The following AGBL4 variants were observed in gnomAD, a reference collection of about 807,000 sequenced individuals.
AGBL4 encodes AGBL carboxypeptidase 4.
In AGBL4, 58 loss-of-function variants were observed where a neutral mutation model predicts 66.4. That is an observed-to-expected ratio of 0.87 (90% confidence interval 0.71 to 1.09). The LOEUF is 1.09. Among genes scored for constraint, AGBL4 ranks in the 50% least tolerant of loss-of-function variants. The pLI is 0.00. For missense variants in AGBL4, 579 were observed against 631.0 expected (o/e 0.92, Z 0.88); for synonymous variants, 234 against 222.9 (o/e 1.05, Z -0.44).
At chr1:49,557,849 G>A (rs187629365) in intron 3 of AGBL4, among the ~76,000 whole-genome samples, 6 of 151,766 alleles carry the variant, frequency 4.0e-5, no homozygotes, top group Middle Eastern at 3.2e-3. Context: ...CAAGGCTGCC[G>A]AGATTGCAGC....
chr1:49,518,809 AC>A (rs770389956), intron 3 of AGBL4, among the ~76,000 whole-genome samples: 3 of 152,092 alleles, frequency 2.0e-5, no homozygotes, highest in Non-Finnish European at 4.4e-5. Flanking sequence ...CAATTGTATT[AC>A]TTTTTAATAT....
intron 3 of AGBL4, among the ~76,000 whole-genome samples, chr1:49,540,154 G>C (rs988434272): frequency 2.0e-5 from 3 of 152,168 alleles, no homozygotes; most frequent in African/African-American, 7.2e-5. Flanking sequence ...ACTTGTATTA[G>C]TTAGCCCTAC....
intron 4 of AGBL4, among the ~76,000 whole-genome samples, chr1:49,213,233 C>G (rs1010865376): frequency 3.3e-5 from 5 of 152,126 alleles, no homozygotes; most frequent in African/African-American, 1.2e-4. Context: ...CATCCTTTCA[C>G]ATCTACATTT....
intron 3 of AGBL4, among the ~76,000 whole-genome samples, chr1:49,562,771 A>C (rs1644084793): frequency 6.6e-6 from 1 of 152,164 alleles, no homozygotes; most frequent in South Asian, 2.1e-4. Flanking sequence ...CTTTTGGCTT[A>C]GGATTGACTT....
chr1:49,415,628 G>T (rs1317202363), intron 3 of AGBL4, among the ~76,000 whole-genome samples: 4 of 152,058 alleles, frequency 2.6e-5, no homozygotes, highest in Non-Finnish European at 4.4e-5. Context: ...TAAAGAATAT[G>T]AACTTTATCC....
At chr1:49,278,605 T>C (rs191825025) in intron 3 of AGBL4, among the ~76,000 whole-genome samples, 24 of 152,164 alleles carry the variant, frequency 1.6e-4, no homozygotes, top group African/African-American at 4.8e-4. Flanking sequence ...TAATGGCAAA[T>C]ATTTATGAGC....
chr1:49,100,754 G>A (rs890891377), intron 4 of AGBL4, among the ~76,000 whole-genome samples: 9 of 152,124 alleles, frequency 5.9e-5, no homozygotes, highest in African/African-American at 1.7e-4. Context: ...GCAGCTAAGA[G>A]GGCTCCAGGA....
At chr1:49,311,663 T>A (rs1644944252) in intron 3 of AGBL4, among the ~76,000 whole-genome samples, 1 of 152,048 alleles carries the variant, frequency 6.6e-6, no homozygotes, top group South Asian at 2.1e-4. Flanking sequence ...TTGTAATATG[T>A]AAAGCTGTTC....
chr1:49,396,794 C>T (rs530080432), intron 3 of AGBL4, among the ~76,000 whole-genome samples: 5 of 152,286 alleles, frequency 3.3e-5, no homozygotes, highest in African/African-American at 1.2e-4. Context: ...GACATTTCCT[C>T]TTTCTGCACA....
At chr1:49,433,429 G>A (rs999708529) in intron 3 of AGBL4, among the ~76,000 whole-genome samples, 1 of 152,166 alleles carries the variant, frequency 6.6e-6, no homozygotes, top group African/African-American at 2.4e-5. Flanking sequence ...CTACAGAACT[G>A]ATTGCTTGCT....
chr1:48,706,279 G>A (rs536143026), intron 6 of AGBL4, among the ~76,000 whole-genome samples: 2 of 152,028 alleles, frequency 1.3e-5, no homozygotes, highest in African/African-American at 4.8e-5. Flanking sequence ...TAAGGAAAAA[G>A]ATTTGAAAAA....
chr1:49,935,305 T>C (rs1364574398), intron 1 of AGBL4, among the ~76,000 whole-genome samples: 1 of 152,356 alleles, frequency 6.6e-6, no homozygotes, highest in East Asian at 1.9e-4. Context: ...TTGCCCAGGC[T>C]TGCTTAGATA....
At chr1:49,072,005 T>C (rs1040743627) in intron 4 of AGBL4, among the ~76,000 whole-genome samples, 3 of 152,194 alleles carry the variant, frequency 2.0e-5, no homozygotes, top group African/African-American at 7.2e-5. Context: ...GTAATGGCCT[T>C]CTTTGTCTCT....
chr1:48,653,660 C>T (rs891294805), intron 7 of AGBL4, among the ~76,000 whole-genome samples: 12 of 152,032 alleles, frequency 7.9e-5, no homozygotes, highest in East Asian at 3.9e-4. Flanking sequence ...CAGTTGAAGA[C>T]GTAACATTGA....
chr1:48,688,379 C>T (rs376153404), intron 6 of AGBL4, among the ~76,000 whole-genome samples: 1 of 152,334 alleles, frequency 6.6e-6, no homozygotes, highest in Non-Finnish European at 1.5e-5. Context: ...CTCCATGCCT[C>T]CACCCTTGGT....
At chr1:49,598,242 G>A (rs914816467) in intron 3 of AGBL4, among the ~76,000 whole-genome samples, 3 of 152,174 alleles carry the variant, frequency 2.0e-5, no homozygotes, top group Admixed American at 6.5e-5. Flanking sequence ...ATCCAGCTTC[G>A]TTCCGTTGCT....
At chr1:49,515,021 G>A (rs1157835159) in intron 3 of AGBL4, among the ~76,000 whole-genome samples, 2 of 152,050 alleles carry the variant, frequency 1.3e-5, no homozygotes, top group Non-Finnish European at 2.9e-5. Context: ...GGCAACAAAA[G>A]ACAAAATTGA....
intron 3 of AGBL4, among the ~76,000 whole-genome samples, chr1:49,454,310 G>T (rs914386015): frequency 6.6e-6 from 1 of 151,748 alleles, no homozygotes; most frequent in African/African-American, 2.4e-5. Context: ...TTTACTGAAT[G>T]AAGTTAAAAG....
chr1:49,885,329 T>C (rs912914516), intron 1 of AGBL4, among the ~76,000 whole-genome samples: 1 of 152,008 alleles, frequency 6.6e-6, no homozygotes, highest in African/African-American at 2.4e-5. Context: ...CTAAAATTTC[T>C]ACTTGTGGAT....
Sources: gnomAD v4.1 joint callset for allele counts (sites outside exome capture counted in the v4.1 genomes callset) on GRCh38, gnomAD v4.1.1 for gene constraint, MANE v1.5 for transcripts, NCBI Gene and HGNC (gene_info 2026-07-23, HGNC 2026-07-21) for gene names.